The following SCN2A variants were observed in gnomAD, a reference collection of about 807,000 sequenced individuals.
The protein encoded by SCN2A is sodium voltage-gated channel alpha subunit 2.
Under a neutral mutation model 188.7 loss-of-function variants are expected in SCN2A, and 20 were observed. The observed-to-expected ratio is 0.11, with a 90% confidence interval of 0.07 to 0.15. SCN2A has a LOEUF of 0.15. Among genes scored for constraint, SCN2A ranks in the 10% least tolerant of loss-of-function variants. The pLI is 1.00. For missense variants in SCN2A, 1,278 were observed against 2,445.0 expected (o/e 0.52, Z 10.07); for synonymous variants, 804 against 833.1 (o/e 0.97, Z 0.60).
intron 1 of SCN2A, among the ~76,000 whole-genome samples, chr2:165,274,590 C>T (rs1695251752): frequency 6.6e-6 from 1 of 152,286 alleles, no homozygotes; most frequent in African/African-American, 2.4e-5. Context: ...TGATGTGTAG[C>T]TATATCATTT....
chr2:165,303,760 A>G (rs536964523), intron 3 of SCN2A, among the ~76,000 whole-genome samples: 6 of 152,212 alleles, frequency 3.9e-5, no homozygotes, highest in African/African-American at 1.2e-4. Context: ...GTTATCTACT[A>G]TTTTTCTATT....
chr2:165,292,945 T>A (rs996395656), intron 1 of SCN2A, among the ~76,000 whole-genome samples: 1 of 152,242 alleles, frequency 6.6e-6, no homozygotes, highest in Non-Finnish European at 1.5e-5. Context: ...ATGATATTAA[T>A]TGAAAGCCTA....
At position 165,381,524 on chromosome 2, in the gene SCN2A, T is replaced by C. The variant is rs7581427; in HGVS notation, c.4551+327T>C. ...AAAAATAAAATACATACATACATAA[T>C]GTGAAAATATTAAATGTTCTCAGAG... is the stretch of plus-strand genomic sequence containing the variant. On this transcript the variant is annotated intron_variant, in intron 25 of 26. Coordinates refer to ENST00000375437, the MANE Select transcript of SCN2A (RefSeq NM_001040142.2). 0.3 allele frequency among the ~76,000 whole-genome samples: 45,073 copies of C among 151,806 alleles called. 7,038 individuals carry two copies. The highest frequency in any genetic ancestry group is 0.49 in the Middle Eastern group (145 of 294).
At chr2:165,256,935 C>T (rs988461649) in intron 1 of SCN2A, among the ~76,000 whole-genome samples, 1 of 152,096 alleles carries the variant, frequency 6.6e-6, no homozygotes, top group African/African-American at 2.4e-5. Flanking sequence ...GAAGCTATAA[C>T]TTTGTTTTAA....
intron 1 of SCN2A, among the ~76,000 whole-genome samples, chr2:165,240,600 TA>T (rs1410652398): frequency 2.0e-5 from 3 of 152,048 alleles, no homozygotes; most frequent in Non-Finnish European, 4.4e-5. Flanking sequence ...ACAAATATTT[TA>T]AAAATAGTTT....
At chr2:165,278,699 A>G (rs913166087) in intron 1 of SCN2A, among the ~76,000 whole-genome samples, 7 of 152,174 alleles carry the variant, frequency 4.6e-5, no homozygotes, top group African/African-American at 1.7e-4. Context: ...GCAGTTTGTG[A>G]GGCCAAGGCA....
chr2:165,295,875 A>G lies in SCN2A; in HGVS notation c.52A>G (p.Thr18Ala). 1 of 1,614,206 alleles carries G rather than the reference A, an allele frequency of 6.2e-7. No individual in the cohort carries two copies. The change falls in exon 2 of 27, where the codon ACC (threonine) becomes GCC (alanine). Residue 18 changes from threonine to alanine, a missense_variant. Transcript: ENST00000375437. The part of the protein sequence containing the change: ...PPGPDSFRFF[T>A]RESLAAIEQR... ...AGGACCTGACAGCTTCCGCTTCTTT[A>G]CCAGGGAATCCCTTGCTGCTATTGA... is the stretch of plus-strand genomic sequence containing the variant.
At chr2:165,375,014 C>T in intron 22 of SCN2A, 48 bp downstream of exon 22, 1 of 1,545,256 alleles carries the variant, frequency 6.5e-7, no homozygotes, top group Non-Finnish European at 8.9e-7. Context: ...TAAAATGAGT[C>T]TAAAGTTTTT....
intron 3 of SCN2A, among the ~76,000 whole-genome samples, chr2:165,298,945 A>G (rs1477421705): frequency 6.6e-6 from 1 of 152,186 alleles, no homozygotes; most frequent in Non-Finnish European, 1.5e-5. Flanking sequence ...AAAGTGAAAA[A>G]ATAAGTTTGA....
chr2:165,350,475 T>TTG (rs1699837504), intron 16 of SCN2A, among the ~76,000 whole-genome samples: 1 of 107,162 alleles, frequency 9.3e-6, no homozygotes. Flanking sequence ...TTTTTTTTTT[T>TTG]TTTTTTTTTT....
intron 15 of SCN2A, among the ~76,000 whole-genome samples, chr2:165,343,124 G>A (rs1699398036): frequency 6.6e-6 from 1 of 152,116 alleles, no homozygotes; most frequent in Admixed American, 6.5e-5. Flanking sequence ...AGTTTGATAT[G>A]TTTTGTTATA....
chr2:165,323,577 A>G, intron 12 of SCN2A, 77 bp downstream of exon 12: 1 of 1,359,740 alleles, frequency 7.4e-7, no homozygotes, highest in Admixed American at 2.0e-5. Flanking sequence ...CCATTTCCAC[A>G]TCTAAGAATT....
intron 1 of SCN2A, among the ~76,000 whole-genome samples, chr2:165,240,774 T>C (rs1693585240): frequency 6.6e-6 from 1 of 151,280 alleles, no homozygotes; most frequent in Non-Finnish European, 1.5e-5. Flanking sequence ...GAGGTAGTTT[T>C]GCCATGTCAG....
chr2:165,248,991 G>C (rs114091076), intron 1 of SCN2A, among the ~76,000 whole-genome samples: 2 of 152,080 alleles, frequency 1.3e-5, no homozygotes, highest in African/African-American at 4.8e-5. Flanking sequence ...GCATATTAGT[G>C]TTATAAAATC....
chr2:165,340,356 G>A (rs1699245937), intron 14 of SCN2A, among the ~76,000 whole-genome samples: 1 of 152,188 alleles, frequency 6.6e-6, no homozygotes, highest in South Asian at 2.1e-4. Context: ...ATTTCAATTT[G>A]AAGTATTCAA....
intron 1 of SCN2A, among the ~76,000 whole-genome samples, chr2:165,264,571 C>T (rs557933832): frequency 1.1e-4 from 17 of 152,038 alleles, no homozygotes; most frequent in Non-Finnish European, 2.2e-4. Flanking sequence ...AGGTATTAAA[C>T]CTAGTATCCA....
intron 11 of SCN2A, among the ~76,000 whole-genome samples, chr2:165,316,357 T>TG (rs61097915): frequency 0.02 from 3,041 of 152,362 alleles, 82 homozygotes; most frequent in African/African-American, 0.063. Context: ...ACATGGGACT[T>TG]GCATTTGAAG....
intron 1 of SCN2A, among the ~76,000 whole-genome samples, chr2:165,251,467 C>T (rs868029568): frequency 5.3e-5 from 8 of 151,976 alleles, no homozygotes; most frequent in Admixed American, 2.0e-4. Context: ...CAAAGTGCTG[C>T]GTATGTTGAT....
At chr2:165,310,638 A>G in intron 7 of SCN2A, 43 bp downstream of exon 7, 2 of 1,340,934 alleles carry the variant, frequency 1.5e-6, no homozygotes, top group Non-Finnish European at 2.0e-6. Context: ...TAGTTCTCTA[A>G]ATATTAAATA....
Sources: gnomAD v4.1 joint callset for allele counts (sites outside exome capture counted in the v4.1 genomes callset) on GRCh38, gnomAD v4.1.1 for gene constraint, MANE v1.5 for transcripts, NCBI Gene and HGNC (gene_info 2026-07-23, HGNC 2026-07-21) for gene names.